The following MARCHF1 variants were observed in gnomAD, a reference collection of about 807,000 sequenced individuals.
MARCHF1 encodes the protein E3 ubiquitin-protein ligase MARCHF1.
MARCHF1 carries 40 observed loss-of-function variants against 54.2 expected under a neutral mutation model. That is an observed-to-expected ratio of 0.74 (90% CI 0.57 to 0.96). MARCHF1 has a LOEUF of 0.96. Among genes scored for constraint, MARCHF1 ranks in the 40% least tolerant of loss-of-function variants. MARCHF1 has a pLI of 0.00. For synonymous variants in MARCHF1, 236 were observed against 236.3 expected (o/e 1.00, Z 0.01); for missense variants, 586 against 656.5 (o/e 0.89, Z 1.17).
At chr4:163,604,545 C>T (rs1156968979) in intron 7 of MARCHF1, among the ~76,000 whole-genome samples, 1 of 152,104 alleles carries the variant, frequency 6.6e-6, no homozygotes, top group East Asian at 1.9e-4. Context: ...TGTCTTTGGT[C>T]TTGTCTCCAC....
intron 1 of MARCHF1, among the ~76,000 whole-genome samples, chr4:164,312,313 CTTTTTCTT>C (rs1734872984): frequency 8.9e-6 from 1 of 112,124 alleles, no homozygotes. Context: ...GAATTATTTT[CTTTTTCTT>C]TTTTTTTTTT....
At chr4:164,085,318 G>T (rs777330467) in intron 2 of MARCHF1, among the ~76,000 whole-genome samples, 32 of 151,768 alleles carry the variant, frequency 2.1e-4, no homozygotes, top group Non-Finnish European at 4.6e-4. Context: ...GTTTTATGAG[G>T]CTTTGCAAGC....
intron 3 of MARCHF1, among the ~76,000 whole-genome samples, chr4:163,911,787 A>T (rs1441221250): frequency 6.6e-6 from 1 of 152,186 alleles, no homozygotes; most frequent in Non-Finnish European, 1.5e-5. Context: ...AAGCCTTTGA[A>T]AACAGAAGAA....
intron 3 of MARCHF1, among the ~76,000 whole-genome samples, chr4:163,903,374 T>G (rs1750982753): frequency 6.6e-6 from 1 of 152,102 alleles, no homozygotes; most frequent in South Asian, 2.1e-4. Context: ...TTAGAAATGG[T>G]TCAGTTTGTG....
intron 1 of MARCHF1, among the ~76,000 whole-genome samples, chr4:164,147,958 C>G (rs184699752): frequency 7.2e-5 from 11 of 151,834 alleles, no homozygotes; most frequent in Admixed American, 4.6e-4. Context: ...AAAGTATAAT[C>G]TATAGAATAT....
chr4:163,922,770 C>G (rs1438837023), intron 3 of MARCHF1, among the ~76,000 whole-genome samples: 2 of 152,104 alleles, frequency 1.3e-5, no homozygotes, highest in Non-Finnish European at 2.9e-5. Flanking sequence ...ATCAATAGAT[C>G]TTCACTGAAC....
At chr4:163,887,886 G>A (rs1750573820) in intron 3 of MARCHF1, among the ~76,000 whole-genome samples, 1 of 152,030 alleles carries the variant, frequency 6.6e-6, no homozygotes, top group South Asian at 2.1e-4. Context: ...AGTCTTCTTA[G>A]GGGCAATAAC....
rs567197132 is a variant in MARCHF1 at position 164,141,575 on chromosome 4, G to A, written c.-322-29913C>T. On this transcript the variant is annotated intron_variant, in intron 1 of 9. Transcript: ENST00000514618. ...AAGATTAGCTCTCTTACGGAAAAAA[G>A]AAGACATTCACCCCTACAAGTCGCA... 1.3e-3 allele frequency among the ~76,000 whole-genome samples: 198 copies of A among 152,276 alleles called. 1 individual carries two copies. The South Asian group carries it at 0.019, about 15-fold the overall frequency.
intron 1 of MARCHF1, among the ~76,000 whole-genome samples, chr4:164,218,650 T>C (rs568368590): frequency 8.3e-4 from 105 of 125,834 alleles, no homozygotes; most frequent in Admixed American, 6.2e-3. Context: ...AATTGAACAA[T>C]GGAAACACAT....
chr4:163,846,459 G>C (rs1749487982), intron 4 of MARCHF1, among the ~76,000 whole-genome samples: 1 of 152,124 alleles, frequency 6.6e-6, no homozygotes, highest in African/African-American at 2.4e-5. Context: ...CCTTGTAATA[G>C]ACTAAAAGTA....
intron 5 of MARCHF1, among the ~76,000 whole-genome samples, chr4:163,621,785 T>C (rs1478421923): frequency 6.6e-6 from 1 of 152,052 alleles, no homozygotes; most frequent in Non-Finnish European, 1.5e-5. Flanking sequence ...TTACTCTCCA[T>C]TTATCCACCC....
Position 163,545,634 on chromosome 4 carries a change from T to C in MARCHF1, c.1301A>G (p.Asp434Gly), listed in dbSNP as rs1738874448. Residue 434 changes from aspartate (D) to glycine (G), a missense_variant, in exon 9 of 10, where the codon GAC becomes GGC. Transcript: ENST00000514618. ...CVVWSLYVLI[D>G]RTAEEIKQGN... ...TTGCTTGATTTCCTCCGCTGTCCGGTCTATCAATACATACAAAGACCAAAC... is the reference window on the plus strand; with the variant it reads ...TTGCTTGATTTCCTCCGCTGTCCGGCCTATCAATACATACAAAGACCAAAC... 3 of 1,613,950 alleles carry C rather than the reference T, an allele frequency of 1.9e-6. No homozygotes were observed.
chr4:163,811,995 T>C (rs1254224606), intron 4 of MARCHF1, among the ~76,000 whole-genome samples: 1 of 152,130 alleles, frequency 6.6e-6, no homozygotes, highest in Non-Finnish European at 1.5e-5. Flanking sequence ...TCATCTAATC[T>C]GTTGAGGGTC....
intron 3 of MARCHF1, among the ~76,000 whole-genome samples, chr4:163,881,913 G>A (rs1750426940): frequency 6.6e-6 from 1 of 152,162 alleles, no homozygotes; most frequent in Admixed American, 6.6e-5. Context: ...CAAGAAGAAA[G>A]TGCCACAAAG....
chr4:164,317,115 G>T (rs1206749939), intron 1 of MARCHF1, among the ~76,000 whole-genome samples: 1 of 152,168 alleles, frequency 6.6e-6, no homozygotes, highest in African/African-American at 2.4e-5. Flanking sequence ...TTTTGAAGAT[G>T]TGAAAAGTGA....
intron 3 of MARCHF1, among the ~76,000 whole-genome samples, chr4:163,968,313 C>T (rs1302567430): frequency 6.6e-6 from 1 of 152,112 alleles, no homozygotes; most frequent in Non-Finnish European, 1.5e-5. Flanking sequence ...CTTAAAGACA[C>T]TCATGCTACA....
chr4:163,961,973 C>G (rs1309449408), intron 3 of MARCHF1, among the ~76,000 whole-genome samples: 1 of 151,772 alleles, frequency 6.6e-6, no homozygotes, highest in Non-Finnish European at 1.5e-5. Flanking sequence ...ACAAAGTGGA[C>G]AATTTTAACA....
At position 164,197,543 on chromosome 4, in the gene MARCHF1, T is replaced by C. The variant is rs190435914; in HGVS notation, c.-322-85881A>G. The C allele has an allele frequency of 1.3e-4, 217 of 1,613,470 alleles. 1 individual carries two copies. The East Asian group carries it at 4.4e-3, about 32-fold the overall frequency. The stretch of plus-strand genomic sequence containing the variant: ...AACTTTAACTTTGGTAAGTCTGAGA[T>C]TGAGGTGAGGCCTCCGTTGATTTTA... On this transcript the variant is annotated intron_variant, in intron 1 of 9. Coordinates refer to ENST00000514618, the MANE Select transcript of MARCHF1 (RefSeq NM_001394959.1).
intron 1 of MARCHF1, among the ~76,000 whole-genome samples, chr4:164,256,748 T>C (rs759656976): frequency 3.3e-5 from 5 of 152,150 alleles, no homozygotes; most frequent in Non-Finnish European, 7.4e-5. Flanking sequence ...CTAGACCAAC[T>C]GCTATAAAAT....
Sources: gnomAD v4.1 joint callset for allele counts (sites outside exome capture counted in the v4.1 genomes callset) on GRCh38, gnomAD v4.1.1 for gene constraint, MANE v1.5 for transcripts, NCBI Gene and HGNC (gene_info 2026-07-23, HGNC 2026-07-21) for gene names.